Variants in RAP1GAP2 observed in about 807,000 individuals in gnomAD.
RAP1GAP2 encodes RAP1 GTPase activating protein 2.
In RAP1GAP2, 27 loss-of-function variants were observed where a neutral mutation model predicts 95.0. That is an observed-to-expected ratio of 0.28 (90% CI 0.21 to 0.39). The LOEUF (loss-of-function observed/expected upper bound fraction) is 0.39, where lower values mean the gene tolerates loss of function less well. RAP1GAP2 is among the 10% of genes least tolerant of loss of function. RAP1GAP2 has a pLI of 1.00. For missense variants in RAP1GAP2, 771 were observed against 970.0 expected, an observed-to-expected ratio of 0.79 and a Z score of 2.72; for synonymous variants, 373 against 380.9, an observed-to-expected ratio of 0.98 and a Z score of 0.24.
intron 2 of RAP1GAP2, among the ~76,000 whole-genome samples, chr17:2,831,835 C>T (rs958726407): frequency 6.6e-6 from 1 of 152,090 alleles, no homozygotes; most frequent in Non-Finnish European, 1.5e-5. Flanking sequence ...TTTGAGGCTG[C>T]CATGAGCTGT....
At chr17:2,948,873 C>G (rs1418330230) in intron 3 of RAP1GAP2, among the ~76,000 whole-genome samples, 1 of 152,210 alleles carries the variant, frequency 6.6e-6, no homozygotes, top group East Asian at 1.9e-4. Flanking sequence ...CTTTTCCCGT[C>G]GCTTCTTCTG....
At position 3,027,056 on chromosome 17, in the gene RAP1GAP2, G is replaced by A; in HGVS notation, c.2093G>A (p.Ser698Asn). 1 of 1,579,384 alleles carries A rather than the reference G, an allele frequency of 6.3e-7. No homozygotes were observed. Among genetic ancestry groups the A allele is most frequent in the Non-Finnish European group, 8.6e-7 (1 of 1,163,032 alleles). ...LGAAATPIIM[S>N]RSPTDAKSRN... ...GCAGCTGCCACCCCGATCATCATGAGCCGGAGTCCCACAGGTCAGTGGCAT... is the reference window on the plus strand; with the variant it reads ...GCAGCTGCCACCCCGATCATCATGAACCGGAGTCCCACAGGTCAGTGGCAT... Residue 698 changes from serine to asparagine, a missense_variant, in exon 22 of 25, where the codon AGC becomes AAC. Physicochemically the swap from Ser to Asn is conservative, Grantham distance 46 (BLOSUM62 1). Transcript: ENST00000254695. This position sits in a 1 kb window ranked among gnomAD's most constrained non-coding sequence, Gnocchi z 5.2.
At chr17:2,875,767 G>A (rs544712619) in intron 2 of RAP1GAP2, among the ~76,000 whole-genome samples, 5 of 151,850 alleles carry the variant, frequency 3.3e-5, no homozygotes, top group East Asian at 1.9e-4. Flanking sequence ...ACCTGCTGTC[G>A]TGCCTGGGCC....
chr17:2,966,284 C>T (rs755363900), intron 8 of RAP1GAP2, among the ~76,000 whole-genome samples: 2 of 152,210 alleles, frequency 1.3e-5, no homozygotes, highest in Non-Finnish European at 2.9e-5. Context: ...GACTTGGTCC[C>T]TGTTCTCTGA....
chr17:2,758,127 T>C (rs1361791962), intron 1 of RAP1GAP2, among the ~76,000 whole-genome samples: 41 of 148,746 alleles, frequency 2.8e-4, no homozygotes, highest in Admixed American at 6.7e-4. Flanking sequence ...CCTTGGCCTC[T>C]CAAAGTGCTG....
intron 1 of RAP1GAP2, among the ~76,000 whole-genome samples, chr17:2,761,845 G>C (rs779838727): frequency 6.6e-6 from 1 of 152,086 alleles, no homozygotes; most frequent in Non-Finnish European, 1.5e-5. Flanking sequence ...ATCAACACTT[G>C]TTATTATCTC....
intron 3 of RAP1GAP2, among the ~76,000 whole-genome samples, chr17:2,933,531 T>TG (rs909758164): frequency 3.3e-5 from 5 of 152,202 alleles, no homozygotes; most frequent in African/African-American, 1.2e-4. Flanking sequence ...TCTGTCAGCC[T>TG]GGGGGGCTCT....
intron 2 of RAP1GAP2, among the ~76,000 whole-genome samples, chr17:2,861,264 G>T (rs371611922): frequency 6.6e-6 from 1 of 151,728 alleles, no homozygotes; most frequent in South Asian, 2.1e-4. Context: ...TTTACTGATC[G>T]TATCTAGTGT....
At chr17:2,986,096 T>C (rs1454168245) in intron 11 of RAP1GAP2, among the ~76,000 whole-genome samples, 1 of 152,214 alleles carries the variant, frequency 6.6e-6, no homozygotes, top group Non-Finnish European at 1.5e-5. Context: ...GCCCTACTAA[T>C]GGCAGGTTAA....
intron 2 of RAP1GAP2, among the ~76,000 whole-genome samples, chr17:2,865,597 C>T (rs760768752): frequency 6.6e-6 from 1 of 152,170 alleles, no homozygotes; most frequent in Non-Finnish European, 1.5e-5. Flanking sequence ...CAGACAGAAA[C>T]AGCATGTAAA....
At chr17:3,030,863 A>ACACAGCCCCAGTGGCCTGCACAG (rs2047268121) in intron 22 of RAP1GAP2, 59 bp from the exon 23 acceptor site, 3 of 1,491,444 alleles carry the variant, frequency 2.0e-6, no homozygotes, top group Non-Finnish European at 1.8e-6. Flanking sequence ...CAGTCCCCAC[A>ACACAGCCCCAGTGGCCTGCACAG]CACAGCCCCA....
chr17:2,964,515 C>T (rs1039310777), intron 7 of RAP1GAP2: 6 of 173,680 alleles, frequency 3.5e-5, no homozygotes, highest in South Asian at 1.3e-4. Context: ...GGATAGGGGA[C>T]GGGGCAGGGG....
chr17:2,885,057 G>T (rs373903832), intron 2 of RAP1GAP2, among the ~76,000 whole-genome samples: 139 of 115,508 alleles, frequency 1.2e-3, no homozygotes, highest in African/African-American at 4.5e-3. Context: ...TTTTTGAGAT[G>T]GAGTCTCGCT....
chr17:2,816,535 C>T (rs2070036771), intron 2 of RAP1GAP2, among the ~76,000 whole-genome samples: 1 of 151,972 alleles, frequency 6.6e-6, no homozygotes, highest in African/African-American at 2.4e-5. Flanking sequence ...GATGGGGTTT[C>T]ACCATGTTGG....
intron 4 of RAP1GAP2, among the ~76,000 whole-genome samples, chr17:2,961,437 C>A (rs1597728141): frequency 6.6e-6 from 1 of 152,098 alleles, no homozygotes; most frequent in Non-Finnish European, 1.5e-5. Flanking sequence ...ATTGCTTGAA[C>A]CTGGGAGGTG....
At chr17:2,907,670 G>A (rs1273776073) in intron 3 of RAP1GAP2, among the ~76,000 whole-genome samples, 5 of 152,178 alleles carry the variant, frequency 3.3e-5, no homozygotes, top group Non-Finnish European at 7.4e-5. Context: ...TTAGGCTAAG[G>A]TGGAGTCCGA....
In RAP1GAP2 at chr17:3,032,267, T is replaced by G. The variant is rs1373087202; in HGVS notation, c.2185-144T>G. ...CTATCGAGAACTCCAGGTCCAGATG[T>G]GAGGTGGGAAGTGCTTGTTCCTGGG... On this transcript the variant is annotated intron_variant, in intron 23 of 24. Transcript: ENST00000254695. 9.4e-6 allele frequency: 8 copies of G among 855,200 alleles called. 1 individual carries two copies. The highest frequency in any genetic ancestry group is 1.3e-5 in the Non-Finnish European group (7 of 518,592). 53.0% of individuals were successfully genotyped at this position (855,200 alleles called of 1,614,324 possible).
intron 3 of RAP1GAP2, among the ~76,000 whole-genome samples, chr17:2,947,757 T>C (rs1282454042): frequency 6.6e-6 from 1 of 151,586 alleles, no homozygotes; most frequent in Non-Finnish European, 1.5e-5. Context: ...TCAGACGACA[T>C]GGGACACATC....
chr17:2,921,623 T>C (rs904421724), intron 3 of RAP1GAP2, among the ~76,000 whole-genome samples: 7 of 143,922 alleles, frequency 4.9e-5, no homozygotes, highest in Admixed American at 2.1e-4. Flanking sequence ...GTCAGCAGGG[T>C]CGTTAAGGTG....
Sources: allele counts gnomAD v4.1 joint callset (sites outside exome capture counted in the v4.1 genomes callset), GRCh38; gene constraint gnomAD v4.1.1; non-coding constraint Gnocchi (gnomAD v3.1); transcripts MANE v1.5; gene names NCBI Gene and HGNC (gene_info 2026-07-23, HGNC 2026-07-21).